The following PDE4D variants were observed in gnomAD, a reference collection of about 807,000 sequenced individuals.
PDE4D encodes the protein phosphodiesterase 4D, also known as 3',5'-cyclic-AMP phosphodiesterase 4D.
PDE4D carries 24 observed loss-of-function variants against 87.4 expected under a neutral mutation model. The observed-to-expected ratio is 0.27, with a 90% CI of 0.20 to 0.39. The LOEUF (loss-of-function observed/expected upper bound fraction) is 0.39, where lower values mean the gene tolerates loss of function less well. PDE4D is among the 10% of genes least tolerant of loss of function. The pLI is 1.00. For synonymous variants in PDE4D, 384 were observed against 383.2 expected (o/e 1.00, Z -0.02); for missense variants, 714 against 1,041.0 (o/e 0.69, Z 4.32).
chr5:60,351,371 C>T (rs1295861898), intron 1 of PDE4D, among the ~76,000 whole-genome samples: 1 of 152,126 alleles, frequency 6.6e-6, no homozygotes, highest in Non-Finnish European at 1.5e-5. Context: ...GGCTCCCTTG[C>T]AGCTTAGTGA....
chr5:60,473,665 T>G (rs1748032818), intron 1 of PDE4D, among the ~76,000 whole-genome samples: 1 of 152,026 alleles, frequency 6.6e-6, no homozygotes, highest in Non-Finnish European at 1.5e-5. Context: ...CCCCTGCCAC[T>G]CCACTCCTCA....
At chr5:59,235,880 G>T (rs1024516031) in intron 1 of PDE4D, among the ~76,000 whole-genome samples, 2 of 152,120 alleles carry the variant, frequency 1.3e-5, no homozygotes, top group African/African-American at 4.8e-5. Context: ...TACTTAGAGG[G>T]AGATACAGAA....
At chr5:59,380,321 A>G (rs1351552358) in intron 1 of PDE4D, among the ~76,000 whole-genome samples, 1 of 151,596 alleles carries the variant, frequency 6.6e-6, no homozygotes, top group African/African-American at 2.4e-5. Flanking sequence ...CTATTAGGAA[A>G]TGAAAAAAAA....
chr5:60,196,386 G>A (rs1304628774), intron 1 of PDE4D, among the ~76,000 whole-genome samples: 1 of 151,724 alleles, frequency 6.6e-6, no homozygotes, highest in Non-Finnish European at 1.5e-5. Flanking sequence ...TGTAGGGTCT[G>A]TTGCTTGATA....
Position 59,357,422 on chromosome 5 carries a change from C to T in PDE4D, c.456-141454G>A, listed in dbSNP as rs1471272122. On this transcript the variant is annotated intron_variant, in intron 1 of 14. Coordinates refer to ENST00000340635, the MANE Select transcript of PDE4D (RefSeq NM_001104631.2). ...AAAAAGAGATGGATATAATTCTTAG[C>T]CAACCTTCCACAGGATGTAAACAGG... Among the ~76,000 whole-genome samples, 5 of 152,256 alleles carry T rather than the reference C, an allele frequency of 3.3e-5. No homozygotes were observed. The East Asian group carries it at 9.7e-4, about 29-fold the overall frequency.
At chr5:60,105,070 C>A (rs553490983) in intron 2 of PDE4D, among the ~76,000 whole-genome samples, 1 of 152,232 alleles carries the variant, frequency 6.6e-6, no homozygotes, top group South Asian at 2.1e-4. Flanking sequence ...CTCCGAGCTT[C>A]AGGAGAAAAT....
intron 1 of PDE4D, among the ~76,000 whole-genome samples, chr5:60,365,648 T>C (rs1299616399): frequency 6.6e-6 from 1 of 151,968 alleles, no homozygotes; most frequent in Non-Finnish European, 1.5e-5. Flanking sequence ...GAGCAGGCAC[T>C]CTTGTACCAA....
chr5:59,454,685 C>G (rs1244296623), intron 1 of PDE4D, among the ~76,000 whole-genome samples: 1 of 152,116 alleles, frequency 6.6e-6, no homozygotes, highest in Non-Finnish European at 1.5e-5. Flanking sequence ...GAGGTTGGAA[C>G]AGTTAGGAGG....
intron 5 of PDE4D, among the ~76,000 whole-genome samples, chr5:59,173,484 A>ATTCTTTTC (rs1783338928): frequency 1.3e-5 from 2 of 152,226 alleles, no homozygotes; most frequent in Admixed American, 1.3e-4. Context: ...TTTTTACCGG[A>ATTCTTTTC]AGATTCTTTT....
At chr5:59,992,150 C>T (rs757502769) in intron 2 of PDE4D, among the ~76,000 whole-genome samples, 1 of 152,166 alleles carries the variant, frequency 6.6e-6, no homozygotes, top group African/African-American at 2.4e-5. Flanking sequence ...ACTCTTGGAC[C>T]TACACAAGTG....
intron 1 of PDE4D, among the ~76,000 whole-genome samples, chr5:59,587,271 T>C (rs1017201244): frequency 6.6e-6 from 1 of 152,194 alleles, no homozygotes; most frequent in African/African-American, 2.4e-5. Context: ...GGAAAGAAAA[T>C]GAATTTCACA....
chr5:60,193,686 A>AG (rs1432932398), intron 1 of PDE4D, among the ~76,000 whole-genome samples: 3 of 149,752 alleles, frequency 2.0e-5, no homozygotes, highest in Admixed American at 6.6e-5. Context: ...AAAAAAAAAA[A>AG]AAAAAAGAAA....
intron 2 of PDE4D, among the ~76,000 whole-genome samples, chr5:60,101,213 A>G (rs1044591075): frequency 1.3e-5 from 2 of 152,080 alleles, no homozygotes; most frequent in Non-Finnish European, 2.9e-5. Flanking sequence ...ACAAATAAAG[A>G]GGGGGGCAAC....
chr5:59,874,782 C>T (rs536578648), intron 1 of PDE4D, among the ~76,000 whole-genome samples: 10 of 152,280 alleles, frequency 6.6e-5, no homozygotes, highest in Middle Eastern at 3.4e-3. Context: ...TCCCTCCTCC[C>T]TTTCATATAG....
chr5:59,252,965 GCA>G (rs1417795828), intron 1 of PDE4D, among the ~76,000 whole-genome samples: 1 of 152,146 alleles, frequency 6.6e-6, no homozygotes, highest in Non-Finnish European at 1.5e-5. Flanking sequence ...ATAACAACGT[GCA>G]CACACAGTCG....
intron 1 of PDE4D, among the ~76,000 whole-genome samples, chr5:59,265,538 C>A (rs1389733650): frequency 2.6e-5 from 4 of 152,020 alleles, no homozygotes; most frequent in Non-Finnish European, 5.9e-5. Flanking sequence ...AAAGTCATAC[C>A]AATGTGTAAA....
intron 5 of PDE4D, among the ~76,000 whole-genome samples, chr5:59,142,777 C>T (rs1224102317): frequency 3.9e-5 from 6 of 152,090 alleles, no homozygotes; most frequent in East Asian, 1.9e-4. Context: ...ATTAGCCAGG[C>T]GTGGTGGCAC....
intron 2 of PDE4D, among the ~76,000 whole-genome samples, chr5:59,198,173 C>A (rs1386872445): frequency 1.3e-5 from 2 of 152,022 alleles, no homozygotes; most frequent in Admixed American, 1.3e-4. Context: ...CAACCCTTAA[C>A]AAAAAACAGC....
At chr5:59,471,737 A>C (rs955494489) in intron 1 of PDE4D, among the ~76,000 whole-genome samples, 1 of 152,220 alleles carries the variant, frequency 6.6e-6, no homozygotes, top group African/African-American at 2.4e-5. Context: ...ATAAAGTGTC[A>C]AGCAGTTTGG....
Sources: allele counts gnomAD v4.1 joint callset (sites outside exome capture counted in the v4.1 genomes callset), GRCh38; gene constraint gnomAD v4.1.1; transcripts MANE v1.5; gene names NCBI Gene and HGNC (gene_info 2026-07-23, HGNC 2026-07-21).